LRP1: variants seen among roughly 807,000 people sequenced by gnomAD.
LRP1 encodes prolow-density lipoprotein receptor-related protein 1.
A neutral mutation model predicts 541.5 loss-of-function variants in LRP1; 51 were observed. That is an observed-to-expected ratio of 0.09 (90% confidence interval 0.08 to 0.12). LRP1 has a LOEUF of 0.12. Ranked by LOEUF, LRP1 falls within the 10% of genes least tolerant of loss-of-function variation. The pLI, the probability that LRP1 is intolerant of heterozygous loss-of-function variation, is 1.00. For synonymous variants in LRP1, 2,219 were observed against 2,470.8 expected, an observed-to-expected ratio of 0.90 and a Z score of 3.02; for missense variants, 3,878 against 6,376.2, an observed-to-expected ratio of 0.61 and a Z score of 13.34.
In LRP1 at chr12:57,144,948, A is replaced by G. The variant is rs749356472; in HGVS notation, c.449-24A>G. The G allele has an allele frequency of 1.9e-6, 3 of 1,610,066 alleles. No individual in the cohort carries two copies. In the South Asian group the frequency reaches 3.3e-5, roughly 18 times the overall value. On this transcript the variant is annotated intron_variant, in intron 4 of 88. Coordinates refer to ENST00000243077, the MANE Select transcript of LRP1 (RefSeq NM_002332.3). ...TGCCCTTGTCACACTGGAAATGACC[A>G]CATTCTTGCCCTTTCCTCGGCAGAT...
At chr12:57,134,957 G>A (rs922654636) in intron 1 of LRP1, among the ~76,000 whole-genome samples, 1 of 152,054 alleles carries the variant, frequency 6.6e-6, no homozygotes, top group East Asian at 1.9e-4. Context: ...TGCCTGCTTC[G>A]GCCTCCCAAA....
chr12:57,130,608 G>A (rs1234962148), intron 1 of LRP1, among the ~76,000 whole-genome samples: 1 of 152,006 alleles, frequency 6.6e-6, no homozygotes, highest in East Asian at 1.9e-4. Flanking sequence ...GCCGCTTCTG[G>A]GAGGAATAGA....
intron 1 of LRP1, among the ~76,000 whole-genome samples, chr12:57,135,074 C>T (rs1056154847): frequency 6.6e-6 from 1 of 152,222 alleles, no homozygotes; most frequent in Admixed American, 6.5e-5. Context: ...TACCAGTCAC[C>T]CTGTGCCTCA....
intron 1 of LRP1, among the ~76,000 whole-genome samples, chr12:57,136,221 G>T (rs2035160448): frequency 6.6e-6 from 1 of 152,216 alleles, no homozygotes; most frequent in African/African-American, 2.4e-5. Context: ...CAGGCTCAGG[G>T]TGGGGGCCAG....
rs752801892 is a variant in LRP1, at chr12:57,175,697, G to A, written c.3785G>A (p.Arg1262His). The A allele has an allele frequency of 5.7e-6, 9 of 1,568,176 alleles. No homozygotes were observed. In the East Asian group the frequency reaches 9.0e-5, roughly 16 times the overall value. ...CTGGAACCTGACGGCGAGAGCTGCC[G>A]CAGCCTGGGTGAGACAACAGTGAGG... ...WVLEPDGESC[R>H]SLDPFKPFII... Residue 1262 changes from arginine to histidine, a missense_variant, in exon 23 of 89, where the codon CGC becomes CAC. By Grantham distance (29) the Arg-to-His change is conservative (BLOSUM62 0). This residue lies in a region of LRP1 where 320 missense variants were observed against 547.9 expected (regional missense o/e 0.58). Coordinates refer to ENST00000243077, the MANE Select transcript of LRP1 (RefSeq NM_002332.3).
intron 22 of LRP1, among the ~76,000 whole-genome samples, chr12:57,175,185 A>C (rs2036018531): frequency 6.6e-6 from 1 of 151,976 alleles, no homozygotes; most frequent in East Asian, 1.9e-4. Flanking sequence ...ACATATCGAG[A>C]CCAGACAGAG....
rs905861125 is a variant in LRP1 at position 57,185,981 on chromosome 12, G to C, written c.6841+73G>C. Reference sequence around the variant, plus strand: ...GAGCAGCACAGACTCTTAGACCCCAGCCAGGCACTCTACCCTAGGTCTGAA... The same window carrying C: ...GAGCAGCACAGACTCTTAGACCCCACCCAGGCACTCTACCCTAGGTCTGAA... On this transcript the variant is annotated intron_variant, in intron 41 of 88. Coordinates refer to ENST00000243077, the MANE Select transcript of LRP1 (RefSeq NM_002332.3). The surrounding 1 kb of genome is among the most constrained non-coding windows in gnomAD (Gnocchi z 4.9). 22 of 1,496,938 alleles carry C rather than the reference G, an allele frequency of 1.5e-5. No individual in the cohort carries two copies. The African/African-American group carries it at 2.8e-4, about 19-fold the overall frequency. 92.7% of individuals were successfully genotyped at this position (1,496,938 alleles called of 1,614,324 possible). A position where few individuals can be genotyped will look rare whatever the true frequency, so the allele number is the denominator to read the frequency against.
At position 57,192,956 on chromosome 12, in the gene LRP1, A is replaced by T. The variant is rs1378890774; in HGVS notation, c.7541A>T (p.Asp2514Val). ...SCRGGRILQDDLTCRAVNSSC... is the reference protein window; with the variant it reads ...SCRGGRILQDVLTCRAVNSSC... Reference sequence around the variant, plus strand: ...CGAGGGGGCCGAATCCTCCAGGATGACCTCACCTGCCGAGGTGAGAGAGGC... The same window carrying T: ...CGAGGGGGCCGAATCCTCCAGGATGTCCTCACCTGCCGAGGTGAGAGAGGC... The change falls in exon 45 of 89, where the codon GAC (aspartate) becomes GTC (valine). Residue 2514 changes from aspartate to valine, a missense_variant. By Grantham distance (152) the Asp-to-Val change is radical (BLOSUM62 -3). This residue lies in a region of LRP1 where 1,100 missense variants were observed against 1,827.4 expected (regional missense o/e 0.60). Coordinates refer to ENST00000243077, the MANE Select transcript of LRP1 (RefSeq NM_002332.3). 3 of 1,612,430 alleles carry T rather than the reference A, an allele frequency of 1.9e-6. No individual in the cohort carries two copies. Among genetic ancestry groups the T allele is most frequent in the Non-Finnish European group, 2.5e-6 (3 of 1,179,562 alleles).
At position 57,211,046 on chromosome 12, in the gene LRP1, G is replaced by A. The variant is rs1272473046; in HGVS notation, c.12917-130G>A. On this transcript the variant is annotated intron_variant, in intron 83 of 88. Transcript: ENST00000243077. The surrounding 1 kb of genome is among the most constrained non-coding windows in gnomAD (Gnocchi z 4.3). ...GCTGCTGGCGCTTCCCCACAAAGGTGCTGGCACACTTCCCCTGAGGCAGTG... is the reference window on the plus strand; with the variant it reads ...GCTGCTGGCGCTTCCCCACAAAGGTACTGGCACACTTCCCCTGAGGCAGTG... 7.3e-7 allele frequency: 1 copy of A among 1,374,392 alleles called. No individual in the cohort carries two copies. Among genetic ancestry groups the A allele is most frequent in the Admixed American group, 2.0e-5 (1 of 50,746 alleles). The allele number at this position is 1,374,392 out of a possible 1,614,324, so 85.1% of individuals were successfully genotyped here.
At chr12:57,161,726 A>G (rs1330732101) in intron 13 of LRP1, among the ~76,000 whole-genome samples, 1 of 151,966 alleles carries the variant, frequency 6.6e-6, no homozygotes, top group Non-Finnish European at 1.5e-5. Flanking sequence ...TTCATTCCAC[A>G]TGGAATGTTC....
In LRP1 at chr12:57,195,948, T is replaced by C; in HGVS notation, c.8646T>C (p.Asn2882=). Residue 2882 remains asparagine (N), a synonymous_variant, in exon 54 of 89, where the codon AAT becomes AAC. Transcript: ENST00000243077. ...SSRQWECDGE[N]DCHDQSDEAP... is the part of the protein sequence containing the mutation. ...GCCAGTGGGAGTGTGATGGCGAGAA[T>C]GACTGCCACGACCAGAGTGACGAGG... 2 of 1,613,574 alleles carry C rather than the reference T, an allele frequency of 1.2e-6. No individual in the cohort carries two copies. The highest frequency in any genetic ancestry group is 1.7e-6 in the Non-Finnish European group (2 of 1,180,026).
In LRP1 at chr12:57,201,934, G is replaced by A; in HGVS notation, c.10594+29G>A. 1 of 1,613,310 alleles carries A rather than the reference G, an allele frequency of 6.2e-7. No individual in the cohort carries two copies. Among genetic ancestry groups the A allele is most frequent in the Non-Finnish European group, 8.5e-7 (1 of 1,179,684 alleles). On this transcript the variant is annotated intron_variant, in intron 67 of 88. Coordinates refer to ENST00000243077, the MANE Select transcript of LRP1 (RefSeq NM_002332.3). This position sits in a 1 kb window ranked among gnomAD's most constrained non-coding sequence, Gnocchi z 6.4. ...AGCCGAGACCCCACTCCAGGAGGAA[G>A]ACAGTCTACCTGGGTGGGAGGCATG...
Position 57,197,456 on chromosome 12 carries a change from C to G in LRP1, c.9162+72C>G. On this transcript the variant is annotated intron_variant, in intron 57 of 88. Coordinates refer to ENST00000243077, the MANE Select transcript of LRP1 (RefSeq NM_002332.3). The surrounding 1 kb of genome is among the most constrained non-coding windows in gnomAD (Gnocchi z 4.5). ...GCACAGCCTCCCTTGCAAGTCTCCCCGCTTAGGTCCAACCATCCCTCCCCC... is the reference window on the plus strand; with the variant it reads ...GCACAGCCTCCCTTGCAAGTCTCCCGGCTTAGGTCCAACCATCCCTCCCCC... The G allele has an allele frequency of 6.2e-7, 1 of 1,611,094 alleles. No individual in the cohort carries two copies. Among genetic ancestry groups the G allele is most frequent in the South Asian group, 1.1e-5 (1 of 90,938 alleles).
At chr12:57,207,242 C>CTAAA (rs60649994) in intron 76 of LRP1, among the ~76,000 whole-genome samples, 49,530 of 134,228 alleles carry the variant, frequency 0.37, 9,621 homozygotes, top group East Asian at 0.51. Context: ...GACTCGGTCT[C>CTAAA]TAAATAAATA....
At chr12:57,180,594 A>T in intron 32 of LRP1, 73 bp from the exon 33 acceptor site, 1 of 1,608,854 alleles carries the variant, frequency 6.2e-7, no homozygotes, top group African/African-American at 1.3e-5. Flanking sequence ...CTGATGACTT[A>T]GGGCCAATGG....
chr12:57,198,088 C>A, intron 58 of LRP1, 68 bp from the exon 59 acceptor site: 1 of 1,387,690 alleles, frequency 7.2e-7, no homozygotes, highest in Non-Finnish European at 9.9e-7. Context: ...GGAGGCTGAG[C>A]CTCACAGAGG....
chr12:57,195,503 C>A, intron 52 of LRP1, 104 bp downstream of exon 52: 1 of 1,570,472 alleles, frequency 6.4e-7, no homozygotes, highest in Non-Finnish European at 8.6e-7. Context: ...TCAGCGGGGT[C>A]CACTGGGGGC....
intron 6 of LRP1, among the ~76,000 whole-genome samples, chr12:57,151,660 G>T (rs1464598238): frequency 6.6e-6 from 1 of 152,248 alleles, no homozygotes; most frequent in Non-Finnish European, 1.5e-5. Flanking sequence ...AAGACAGAGA[G>T]GGGTGGCCCA....
intron 6 of LRP1, among the ~76,000 whole-genome samples, chr12:57,148,472 G>T (rs537414601): frequency 2.6e-5 from 4 of 152,174 alleles, no homozygotes; most frequent in East Asian, 1.9e-4. Flanking sequence ...CAGTCTCTCA[G>T]CTCCAGAGGC....
Sources: gnomAD v4.1 joint callset for allele counts (sites outside exome capture counted in the v4.1 genomes callset) on GRCh38, gnomAD v4.1.1 for gene constraint, gnomAD v4.1.1 regional missense constraint, Gnocchi (gnomAD v3.1) non-coding constraint, MANE v1.5 for transcripts, NCBI Gene and HGNC (gene_info 2026-07-23, HGNC 2026-07-21) for gene names.